The following ZNF831 variants were observed in gnomAD, a reference collection of about 807,000 sequenced individuals.
The protein encoded by ZNF831 is zinc finger protein 831.
ZNF831 carries 59 observed loss-of-function variants against 95.8 expected under a neutral mutation model. The ratio of observed to expected loss-of-function variants is 0.62; its 90% CI spans 0.50 to 0.77. ZNF831 has a LOEUF of 0.77. ZNF831 is among the 30% of genes least tolerant of loss of function. ZNF831 has a pLI of 0.00. For missense variants in ZNF831, 2,205 were observed against 2,164.0 expected (o/e 1.02, Z -0.38); for synonymous variants, 961 against 925.5 (o/e 1.04, Z -0.70).
chr20:59,158,932 C>CTTTATGTGGAG (rs1980688038), upstream of ZNF831, among the ~76,000 whole-genome samples: 1 of 152,132 alleles, frequency 6.6e-6, no homozygotes, highest in African/African-American at 2.4e-5. Context: ...AAACTCCAGA[C>CTTTATGTGGAG]TTTATGTGCA....
In ZNF831 at chr20:59,169,771, A is replaced by G. The variant is rs1274187797; in HGVS notation, c.-37+5564A>G. On this transcript the variant is annotated intron_variant, in intron 1 of 5. Coordinates refer to ENST00000371030, the MANE Select transcript of ZNF831 (RefSeq NM_178457.3). This position sits in a 1 kb window ranked among gnomAD's most constrained non-coding sequence, Gnocchi z 4.1. ...AAAAATTAGCCGGGCATGATGGCAG[A>G]CACCTGTAATCCCAGCTACTCGGGA... Among the ~76,000 whole-genome samples, 2 of 152,028 alleles carry G rather than the reference A, an allele frequency of 1.3e-5. No homozygotes were observed. The highest frequency in any genetic ancestry group is 2.9e-5 in the Non-Finnish European group (2 of 67,992).
At chr20:59,154,631 C>T (rs1273476408) in intron 2 of ZNF831, among the ~76,000 whole-genome samples, 2 of 152,338 alleles carry the variant, frequency 1.3e-5, no homozygotes, top group African/African-American at 2.4e-5. Context: ...CTCCTGTGGC[C>T]TAAGCTCTAT....
rs1177429444 is a variant in ZNF831 at position 59,193,712 on chromosome 20, G to C, written c.2693G>C (p.Gly898Ala). The change falls in exon 2 of 6, where the codon GGG becomes GCG. Residue 898 changes from glycine (G) to alanine (A), a missense_variant. Gly to Ala is a moderately conservative substitution (Grantham distance 60). Transcript: ENST00000371030. The stretch of plus-strand genomic sequence containing the variant: ...GCTTCTGTTGCCCTGAAGAGGGTGG[G>C]GCCAAGGGACAAGGCTACCCCACTG... ...AAASVALKRV[G>A]PRDKATPLHP... The C allele has an allele frequency of 2.5e-6, 4 of 1,612,472 alleles. No individual in the cohort carries two copies. Among genetic ancestry groups the C allele is most frequent in the Non-Finnish European group, 3.4e-6 (4 of 1,179,440 alleles).
In ZNF831 at chr20:59,254,352, C is replaced by T; in HGVS notation, c.4643C>T (p.Ser1548Leu). ...CAGACCCTCTTGCCAGGGAGACCTT[C>T]ATCTGGACAAAGAATTTCAGATTCG... ...RAQTLLPGRPSSGQRISDSVP... is the reference protein window; with the variant it reads ...RAQTLLPGRPLSGQRISDSVP... The change falls in exon 6 of 6, where the codon TCA (serine) becomes TTA (leucine). Residue 1548 changes from serine (S) to leucine (L), a missense_variant. Coordinates refer to ENST00000371030, the MANE Select transcript of ZNF831 (RefSeq NM_178457.3). This position sits in a 1 kb window ranked among gnomAD's most constrained non-coding sequence, Gnocchi z 4.5. 4 of 1,614,120 alleles carry T rather than the reference C, an allele frequency of 2.5e-6. No homozygotes were observed. Among genetic ancestry groups the T allele is most frequent in the Non-Finnish European group, 3.4e-6 (4 of 1,180,012 alleles).
At position 59,253,113 on chromosome 20, in the gene ZNF831, G is replaced by A. The variant is rs1987983364; in HGVS notation, c.4163G>A (p.Arg1388Lys). ...LSLGTSSRIVREMDKRTVKDI... is the reference protein window; with the variant it reads ...LSLGTSSRIVKEMDKRTVKDI... ...CTTGGTACAAGTTCAAGAATTGTCA[G>A]GGAAATGGACAAACGAACTGTGAAG... Residue 1388 changes from arginine (R) to lysine (K), a missense_variant, in exon 5 of 6, where the codon AGG (arginine) becomes AAG (lysine). Coordinates refer to ENST00000371030, the MANE Select transcript of ZNF831 (RefSeq NM_178457.3). 6.2e-7 allele frequency: 1 copy of A among 1,614,098 alleles called. No individual in the cohort carries two copies. The highest frequency in any genetic ancestry group is 8.5e-7 in the Non-Finnish European group (1 of 1,179,990).
chr20:59,129,365 G>A (rs1022818601), intron 1 of ZNF831, among the ~76,000 whole-genome samples: 2 of 152,072 alleles, frequency 1.3e-5, no homozygotes, highest in African/African-American at 2.4e-5. Flanking sequence ...GGTGGCTCAC[G>A]CCTATAATCC....
At chr20:59,224,788 C>A (rs987685011) in intron 4 of ZNF831, among the ~76,000 whole-genome samples, 1 of 152,166 alleles carries the variant, frequency 6.6e-6, no homozygotes, top group Non-Finnish European at 1.5e-5. Context: ...ATACTGAGAA[C>A]CAAAGACATG....
At chr20:59,134,736 C>T (rs190581147) in intron 1 of ZNF831, among the ~76,000 whole-genome samples, 7 of 152,292 alleles carry the variant, frequency 4.6e-5, no homozygotes, top group East Asian at 1.9e-4. Context: ...GGGATGGGAG[C>T]GTCTGTAGTC....
At chr20:59,214,837 C>T (rs554418945) in intron 4 of ZNF831, among the ~76,000 whole-genome samples, 15 of 152,282 alleles carry the variant, frequency 9.9e-5, no homozygotes, top group African/African-American at 2.9e-4. Context: ...ATGAAGGCAA[C>T]GTCATTGATT....
At chr20:59,146,451 T>C (rs1177822604) in intron 2 of ZNF831, 8 of 152,268 alleles carry the variant, frequency 5.3e-5, no homozygotes, top group African/African-American at 1.9e-4. Context: ...TCTTAATCAT[T>C]GAGCCTGGTC....
chr20:59,242,227 T>G (rs1416308355), intron 4 of ZNF831, among the ~76,000 whole-genome samples: 1 of 152,238 alleles, frequency 6.6e-6, no homozygotes, highest in Non-Finnish European at 1.5e-5. Context: ...CCAGCTATTA[T>G]TATTGAAATG....
chr20:59,191,955 G>T lies in ZNF831; in HGVS notation c.936G>T (p.Pro312=), dbSNP rs745468497. The T allele has an allele frequency of 1.2e-6, 2 of 1,608,152 alleles. No homozygotes were observed. The highest frequency in any genetic ancestry group is 1.7e-5 in the Admixed American group (1 of 59,716). ...AGAAGTCGCCGACCGCCGGGAAGCC[G>T]TGCGCCCTGCAGCGGCAGCAGGCGA... ...PEQKSPTAGK[P]CALQRQQATA... The change falls in exon 2 of 6, where the codon CCG becomes CCT. Residue 312 remains proline (P), a synonymous_variant. Coordinates refer to ENST00000371030, the MANE Select transcript of ZNF831 (RefSeq NM_178457.3).
chr20:59,125,575 G>T (rs559152778), intron 1 of ZNF831, among the ~76,000 whole-genome samples: 1 of 152,280 alleles, frequency 6.6e-6, no homozygotes, highest in South Asian at 2.1e-4. Context: ...GGAGGACTTG[G>T]GTTTTGACAA....
At chr20:59,206,865 T>G (rs1305342191) in intron 3 of ZNF831, 40 bp from the exon 4 acceptor site, 2 of 1,600,702 alleles carry the variant, frequency 1.2e-6, no homozygotes, top group Non-Finnish European at 1.7e-6. Flanking sequence ...GCATGTGCTC[T>G]CCAGGCTGGT....
At chr20:59,158,126 C>G (rs888713392) in intron 2 of ZNF831, among the ~76,000 whole-genome samples, 13 of 152,336 alleles carry the variant, frequency 8.5e-5, no homozygotes, top group Admixed American at 7.8e-4. Flanking sequence ...ACACCCTGCT[C>G]TCCTCTGGCT....
chr20:59,142,864 A>C (rs1979725223), intron 1 of ZNF831, among the ~76,000 whole-genome samples: 1 of 152,174 alleles, frequency 6.6e-6, no homozygotes, highest in African/African-American at 2.4e-5. Context: ...ACCTCAACTG[A>C]CTATGAACTC....
chr20:59,248,829 T>A (rs1987744147), intron 4 of ZNF831, among the ~76,000 whole-genome samples: 1 of 152,050 alleles, frequency 6.6e-6, no homozygotes, highest in South Asian at 2.1e-4. Flanking sequence ...CTTTTTTCCC[T>A]TTCTATTTCT....
At chr20:59,222,752 G>GGGACC (rs1568779683) in intron 4 of ZNF831, among the ~76,000 whole-genome samples, 1 of 152,210 alleles carries the variant, frequency 6.6e-6, no homozygotes, top group Non-Finnish European at 1.5e-5. Flanking sequence ...GCACGGCCTG[G>GGGACC]AGTCCGGTCT....
At chr20:59,211,496 C>T (rs1985329985) in intron 4 of ZNF831, among the ~76,000 whole-genome samples, 1 of 152,170 alleles carries the variant, frequency 6.6e-6, no homozygotes, top group African/African-American at 2.4e-5. Context: ...ATGATGGACA[C>T]CATGGAGTTG....
Sources: gnomAD v4.1 joint callset for allele counts (sites outside exome capture counted in the v4.1 genomes callset) on GRCh38, gnomAD v4.1.1 for gene constraint, Gnocchi (gnomAD v3.1) non-coding constraint, MANE v1.5 for transcripts, NCBI Gene and HGNC (gene_info 2026-07-23, HGNC 2026-07-21) for gene names.